STPG4: variants seen among roughly 807,000 people sequenced by gnomAD.
STPG4 encodes sperm-tail PG-rich repeat containing 4, also known as protein STPG4.
A neutral mutation model predicts 31.5 loss-of-function variants in STPG4; 41 were observed. That is an observed-to-expected ratio of 1.30 (90% CI 1.01 to 1.69). STPG4 has a LOEUF of 1.69. Among genes scored for constraint, STPG4 ranks in the 40% most tolerant of loss-of-function variants. The pLI, the probability that STPG4 is intolerant of heterozygous loss-of-function variation, is 0.00. For missense variants in STPG4, 375 were observed against 293.4 expected, an observed-to-expected ratio of 1.28 and a Z score of -2.03; for synonymous variants, 141 against 103.0, an observed-to-expected ratio of 1.37 and a Z score of -2.24.
At chr2:47,125,847 C>G (rs916715550) in intron 5 of STPG4, among the ~76,000 whole-genome samples, 7 of 152,056 alleles carry the variant, frequency 4.6e-5, no homozygotes, top group African/African-American at 1.7e-4. Flanking sequence ...ACGTGAGCCA[C>G]CATACCCAGC....
intron 3 of STPG4, among the ~76,000 whole-genome samples, chr2:47,145,854 T>G (rs962198394): frequency 6.6e-6 from 1 of 152,182 alleles, no homozygotes; most frequent in Non-Finnish European, 1.5e-5. Context: ...GTACACTTGA[T>G]AGCTATAGAT....
At chr2:47,094,989 C>CGT (rs1487989851) in intron 5 of STPG4, among the ~76,000 whole-genome samples, 1 of 152,176 alleles carries the variant, frequency 6.6e-6, no homozygotes, top group Non-Finnish European at 1.5e-5. Context: ...GGAGTGAAGA[C>CGT]GTGTATCACT....
At chr2:47,092,936 G>C (rs908709058) in intron 5 of STPG4, among the ~76,000 whole-genome samples, 25 of 152,174 alleles carry the variant, frequency 1.6e-4, no homozygotes, top group African/African-American at 5.8e-4. Context: ...AGGACTACAG[G>C]TGCGTGCCAC....
chr2:47,110,049 C>T (rs75074053), intron 5 of STPG4, among the ~76,000 whole-genome samples: 2,803 of 150,394 alleles, frequency 0.019, 97 homozygotes, highest in African/African-American at 0.066. Flanking sequence ...CAAAGAAACC[C>T]ACTTTTTTTT....
At chr2:47,088,174 G>A (rs1685498625) in intron 6 of STPG4, among the ~76,000 whole-genome samples, 2 of 151,864 alleles carry the variant, frequency 1.3e-5, no homozygotes, top group East Asian at 3.9e-4. Flanking sequence ...CCACCTCCTG[G>A]GCTTAAGCGA....
At chr2:47,102,234 TGCAGGTTCTCGA>T (rs376692545) in intron 5 of STPG4, among the ~76,000 whole-genome samples, 8,272 of 151,760 alleles carry the variant, frequency 0.055, 412 homozygotes, top group African/African-American at 0.11. Flanking sequence ...CAGGGACCAT[TGCAGGTTCTCGA>T]GCAGGGGAAG....
At chr2:47,090,665 C>A (rs1685553029) in intron 5 of STPG4, among the ~76,000 whole-genome samples, 1 of 152,216 alleles carries the variant, frequency 6.6e-6, no homozygotes, top group Admixed American at 6.5e-5. Flanking sequence ...AGGCTCCCAG[C>A]CCACACTCAG....
chr2:47,128,093 G>A (rs1199548787), intron 5 of STPG4, among the ~76,000 whole-genome samples: 1 of 152,186 alleles, frequency 6.6e-6, no homozygotes, highest in African/African-American at 2.4e-5. Flanking sequence ...GATTCTGGTA[G>A]ACTTGTAGAG....
At chr2:47,110,316 G>A (rs1686009392) in intron 5 of STPG4, among the ~76,000 whole-genome samples, 1 of 152,114 alleles carries the variant, frequency 6.6e-6, no homozygotes, top group Admixed American at 6.5e-5. Flanking sequence ...ATTTTGGGCT[G>A]GGCACGGTGG....
intron 3 of STPG4, 150 bp from the exon 4 acceptor site, chr2:47,130,410 C>T (rs1686454089): frequency 3.0e-6 from 2 of 663,734 alleles, no homozygotes; most frequent in Non-Finnish European, 5.2e-6. Flanking sequence ...TGTACATTTC[C>T]AAAGGTGGAG....
At chr2:47,117,422 T>G (rs1031550050) in intron 5 of STPG4, among the ~76,000 whole-genome samples, 58 of 152,190 alleles carry the variant, frequency 3.8e-4, no homozygotes, top group African/African-American at 1.4e-3. Flanking sequence ...TTGGTCAGGC[T>G]GGTCTTGAAC....
At chr2:47,118,168 G>A (rs1403965321) in intron 5 of STPG4, among the ~76,000 whole-genome samples, 6 of 152,082 alleles carry the variant, frequency 3.9e-5, no homozygotes, top group Non-Finnish European at 8.8e-5. Flanking sequence ...GGCGAGCAAG[G>A]GAGTGAAGTT....
intron 5 of STPG4, among the ~76,000 whole-genome samples, chr2:47,112,108 C>T (rs1052520464): frequency 3.9e-5 from 6 of 152,132 alleles, no homozygotes; most frequent in African/African-American, 1.4e-4. Context: ...ATCTGATATG[C>T]CTTCATATGG....
intron 1 of STPG4, 103 bp downstream of exon 1, chr2:47,155,068 A>C: frequency 9.6e-6 from 10 of 1,046,636 alleles, no homozygotes; most frequent in East Asian, 2.5e-5. Flanking sequence ...GGAAGAGGGA[A>C]CGAGAGCGGC....
intron 5 of STPG4, among the ~76,000 whole-genome samples, chr2:47,113,270 T>A (rs1686078003): frequency 6.6e-6 from 1 of 152,182 alleles, no homozygotes; most frequent in East Asian, 1.9e-4. Context: ...TAAACTTCTG[T>A]ATAAATAAAA....
chr2:47,119,859 G>T (rs1232472126), intron 5 of STPG4, among the ~76,000 whole-genome samples: 1 of 152,176 alleles, frequency 6.6e-6, no homozygotes, highest in Non-Finnish European at 1.5e-5. Flanking sequence ...TTTAAGGGTA[G>T]GGCTAAATGT....
At chr2:47,091,358 T>G (rs1038148362) in intron 5 of STPG4, among the ~76,000 whole-genome samples, 1 of 152,224 alleles carries the variant, frequency 6.6e-6, no homozygotes, top group Admixed American at 6.5e-5. Flanking sequence ...GAGTGGTTAT[T>G]GGTTGTTGCA....
intron 3 of STPG4, among the ~76,000 whole-genome samples, chr2:47,148,460 A>T (rs760406522): frequency 2.0e-5 from 3 of 152,174 alleles, no homozygotes; most frequent in Admixed American, 1.3e-4. Context: ...AGTCTCTCCA[A>T]TACAGATTCT....
chr2:47,126,043 T>C (rs2103774430), intron 5 of STPG4, among the ~76,000 whole-genome samples: 1 of 152,306 alleles, frequency 6.6e-6, no homozygotes, highest in South Asian at 2.1e-4. Flanking sequence ...GATATATGGA[T>C]TTATTTCTGG....
Sources: allele counts gnomAD v4.1 joint callset (sites outside exome capture counted in the v4.1 genomes callset), GRCh38; gene constraint gnomAD v4.1.1; transcripts MANE v1.5; gene names NCBI Gene and HGNC (gene_info 2026-07-23, HGNC 2026-07-21).